The following SYN3 variants were observed in gnomAD, a reference collection of about 807,000 sequenced individuals.
SYN3 encodes synapsin-3.
Under a neutral mutation model 65.8 loss-of-function variants are expected in SYN3, and 35 were observed. The observed-to-expected ratio is 0.53, with a 90% CI of 0.41 to 0.70. The LOEUF (loss-of-function observed/expected upper bound fraction) is 0.70. Ranked by LOEUF, SYN3 falls within the 30% of genes least tolerant of loss-of-function variation. The probability of loss-of-function intolerance (pLI) is 0.00; values close to 1 mark genes in which losing one functional copy is unlikely to be tolerated. For synonymous variants in SYN3, 270 were observed against 292.9 expected (o/e 0.92, Z 0.80); for missense variants, 680 against 749.0 (o/e 0.91, Z 1.08).
At chr22:33,052,919 A>G (rs189625275) in intron 1 of SYN3, among the ~76,000 whole-genome samples, 1 of 152,352 alleles carries the variant, frequency 6.6e-6, no homozygotes, top group Admixed American at 6.5e-5. Flanking sequence ...ACCCATCTAA[A>G]TCAGAACCTA....
intron 6 of SYN3, chr22:32,858,220 C>CATCTAAA: frequency 6.3e-7 from 1 of 1,581,156 alleles, no homozygotes; most frequent in Non-Finnish European, 8.6e-7. Flanking sequence ...GCACTGGGTG[C>CATCTAAA]CAGGCCCTCG....
chr22:33,022,521 A>C (rs1281631869), intron 1 of SYN3, among the ~76,000 whole-genome samples: 2 of 152,168 alleles, frequency 1.3e-5, no homozygotes, highest in East Asian at 3.9e-4. Flanking sequence ...ACTGTCTTTG[A>C]TGAGTTCAAA....
At chr22:32,703,268 C>T (rs1458251825) in intron 6 of SYN3, among the ~76,000 whole-genome samples, 1 of 152,192 alleles carries the variant, frequency 6.6e-6, no homozygotes, top group African/African-American at 2.4e-5. Flanking sequence ...CTAACAGTGA[C>T]AATTCACTGG....
In SYN3 at chr22:32,683,531, T is replaced by C. The variant is rs1238198885; in HGVS notation, c.712-86795A>G. 1.1e-4 allele frequency among the ~76,000 whole-genome samples: 17 copies of C among 152,278 alleles called. No individual in the cohort carries two copies. The South Asian group carries it at 3.5e-3, about 32-fold the overall frequency. ...CTGGAGGCTGGAAGTCTGAAATAAG[T>C]AGGGGCTTCCTCTTCCTAGCTTCTG... On this transcript the variant is annotated intron_variant, in intron 6 of 13. Transcript: ENST00000358763.
intron 2 of SYN3, among the ~76,000 whole-genome samples, chr22:32,998,189 T>C (rs550624089): frequency 3.3e-5 from 5 of 152,244 alleles, no homozygotes; most frequent in African/African-American, 1.2e-4. Context: ...CATGGGCAAA[T>C]ACAGACACCA....
At chr22:32,751,978 A>T (rs548998510) in intron 6 of SYN3, among the ~76,000 whole-genome samples, 1 of 152,204 alleles carries the variant, frequency 6.6e-6, no homozygotes, top group Non-Finnish European at 1.5e-5. Flanking sequence ...TGCATACTAC[A>T]TATTCTCTAG....
chr22:32,994,438 C>T (rs1394423022), intron 2 of SYN3, among the ~76,000 whole-genome samples: 2 of 152,118 alleles, frequency 1.3e-5, no homozygotes, highest in Non-Finnish European at 2.9e-5. Context: ...GACAAAACTC[C>T]CTTCATTAGG....
At chr22:32,569,261 A>ATCTATCTATCTATCTG (rs376551747) in intron 7 of SYN3, among the ~76,000 whole-genome samples, 2,441 of 136,940 alleles carry the variant, frequency 0.018, 76 homozygotes, top group South Asian at 0.09. Flanking sequence ...TCCAAAATCT[A>ATCTATCTATCTATCTG]TCTATCTATC....
intron 2 of SYN3, among the ~76,000 whole-genome samples, chr22:32,984,081 G>C (rs755742439): frequency 2.8e-5 from 4 of 144,772 alleles, no homozygotes; most frequent in Non-Finnish European, 6.0e-5. Flanking sequence ...AGAATCGCTT[G>C]AACCTGGGAG....
intron 3 of SYN3, among the ~76,000 whole-genome samples, chr22:32,951,748 C>T (rs1160169351): frequency 6.6e-6 from 1 of 152,200 alleles, no homozygotes; most frequent in African/African-American, 2.4e-5. Context: ...CAAGTGCATG[C>T]CAGTTATTTG....
At chr22:32,882,609 G>A (rs1323288888) in intron 4 of SYN3, among the ~76,000 whole-genome samples, 2 of 152,144 alleles carry the variant, frequency 1.3e-5, no homozygotes, top group Admixed American at 6.6e-5. Flanking sequence ...AATGTCACAC[G>A]GCAGATGCAA....
chr22:33,025,650 A>C (rs920841670), intron 1 of SYN3, among the ~76,000 whole-genome samples: 1 of 151,084 alleles, frequency 6.6e-6, no homozygotes, highest in Middle Eastern at 3.4e-3. Flanking sequence ...AAAAAAAAAA[A>C]GATTTCATCC....
intron 3 of SYN3, among the ~76,000 whole-genome samples, chr22:32,970,588 C>T (rs567774471): frequency 2.7e-5 from 4 of 150,010 alleles, no homozygotes; most frequent in African/African-American, 7.3e-5. Flanking sequence ...CGGAGAGCTA[C>T]GTTTAAAGAC....
chr22:32,760,520 T>C (rs4821096), intron 6 of SYN3, among the ~76,000 whole-genome samples: 23,112 of 151,968 alleles, frequency 0.15, 2,266 homozygotes, highest in East Asian at 0.35. Context: ...GACATTCCTT[T>C]TGGAGTGGTC....
chr22:32,637,707 A>G (rs994338520), intron 6 of SYN3, among the ~76,000 whole-genome samples: 60 of 134,474 alleles, frequency 4.5e-4, no homozygotes, highest in African/African-American at 1.7e-3. Context: ...GCACGATGCC[A>G]GCTCACTGCA....
intron 6 of SYN3, among the ~76,000 whole-genome samples, chr22:32,774,115 C>T (rs135150): frequency 0.86 from 130,526 of 152,066 alleles, 56,079 homozygotes; most frequent in East Asian, 0.93. Context: ...TAGCCATGAA[C>T]GGATCTTGGA....
At chr22:32,825,505 A>C (rs2146090602) in intron 6 of SYN3, among the ~76,000 whole-genome samples, 1 of 151,900 alleles carries the variant, frequency 6.6e-6, no homozygotes, top group East Asian at 1.9e-4. Flanking sequence ...CTAAAAATAC[A>C]AAAATTAGCT....
At chr22:32,679,667 A>G (rs2060494865) in intron 6 of SYN3, among the ~76,000 whole-genome samples, 1 of 152,024 alleles carries the variant, frequency 6.6e-6, no homozygotes, top group African/African-American at 2.4e-5. Context: ...CCATCCTAAC[A>G]TCCTAACAGG....
chr22:32,541,960 G>A (rs555369504), intron 7 of SYN3, among the ~76,000 whole-genome samples: 38 of 152,270 alleles, frequency 2.5e-4, no homozygotes, highest in Non-Finnish European at 5.0e-4. Context: ...AACTGGGTTT[G>A]GAAGGATGAA....
Sources: allele counts gnomAD v4.1 joint callset (sites outside exome capture counted in the v4.1 genomes callset), GRCh38; gene constraint gnomAD v4.1.1; transcripts MANE v1.5; gene names NCBI Gene and HGNC (gene_info 2026-07-23, HGNC 2026-07-21).